Variants in CIAPIN1 observed in about 807,000 individuals in gnomAD.
CIAPIN1 encodes the protein cytokine induced apoptosis inhibitor 1, also known as anamorsin.
Under a neutral mutation model 34.3 loss-of-function variants are expected in CIAPIN1, and 18 were observed. The ratio of observed to expected loss-of-function variants is 0.52; its 90% CI spans 0.36 to 0.78. The LOEUF (loss-of-function observed/expected upper bound fraction) is 0.78, where lower values mean the gene tolerates loss of function less well. CIAPIN1 is among the 30% of genes least tolerant of loss of function. CIAPIN1 has a pLI of 0.00. For synonymous variants in CIAPIN1, 131 were observed against 140.4 expected, an observed-to-expected ratio of 0.93 and a Z score of 0.47; for missense variants, 310 against 372.5, an observed-to-expected ratio of 0.83 and a Z score of 1.38.
rs1355075357 is a variant in CIAPIN1, at chr16:57,434,154, T to C, written c.446A>G (p.His149Arg). 2 of 1,614,084 alleles carry C rather than the reference T, an allele frequency of 1.2e-6. No homozygotes were observed. Among genetic ancestry groups the C allele is most frequent in the East Asian group, 2.2e-5 (1 of 44,898 alleles). ...EVQSVREHLG[H>R]ESDNLLFVQI... ...AACAAACAGCAGGTTGTCACTTTCA[T>C]GACCAAGGTGTTCTCGAACAGACTG... The change falls in exon 5 of 9, where the codon CAT (histidine) becomes CGT (arginine). Residue 149 changes from histidine to arginine, a missense_variant. Physicochemically the swap from His to Arg is conservative, Grantham distance 29. Coordinates refer to ENST00000394391, the MANE Select transcript of CIAPIN1 (RefSeq NM_020313.4).
At chr16:57,438,011 A>G (rs80154168) in intron 3 of CIAPIN1, among the ~76,000 whole-genome samples, 1,667 of 152,330 alleles carry the variant, frequency 0.011, 100 homozygotes, top group Admixed American at 0.092. Flanking sequence ...GCACAGAAAC[A>G]CAAGTATTCC....
rs560640075 is a variant in CIAPIN1 at position 57,435,428 on chromosome 16, T to C, written c.388-1216A>G. Among the ~76,000 whole-genome samples, 13 of 152,348 alleles carry C rather than the reference T, an allele frequency of 8.5e-5. No individual in the cohort carries two copies. The South Asian group carries it at 1.9e-3, about 22-fold the overall frequency. On this transcript the variant is annotated intron_variant, in intron 4 of 8. Coordinates refer to ENST00000394391, the MANE Select transcript of CIAPIN1 (RefSeq NM_020313.4). ...AGAATGGCCTAATACACATTCCTTA[T>C]TTTAAAATCAAGCACAGAAAACCTT...
At chr16:57,436,450 G>A (rs371224036) in intron 4 of CIAPIN1, among the ~76,000 whole-genome samples, 462 of 152,106 alleles carry the variant, frequency 3.0e-3, no homozygotes, top group African/African-American at 0.011. Context: ...GGATGGTCTC[G>A]ATCTCCTGAG....
Position 57,439,215 on chromosome 16 carries a change from G to T in CIAPIN1, c.277C>A (p.Leu93Ile). 6.2e-7 allele frequency: 1 copy of T among 1,614,082 alleles called. No individual in the cohort carries two copies. The highest frequency in any genetic ancestry group is 8.5e-7 in the Non-Finnish European group (1 of 1,180,046). ...GTCTCTACTGGCTCCTTCAGAAAAA[G>T]ACATCCACCAGGCCGAAGGATCCGG... ...IARILRPGGC[L>I]FLKEPVETAV... Residue 93 changes from leucine (L) to isoleucine (I), a missense_variant, in exon 3 of 9, where the codon CTT becomes ATT. Coordinates refer to ENST00000394391, the MANE Select transcript of CIAPIN1 (RefSeq NM_020313.4).
chr16:57,430,397 C>T (rs977821626), intron 7 of CIAPIN1, 58 bp from the exon 8 acceptor site: 18 of 1,513,180 alleles, frequency 1.2e-5, no homozygotes, highest in Non-Finnish European at 1.6e-5. Context: ...AATCCCAAAT[C>T]CTAACAGTGC....
chr16:57,439,945 G>C (rs1214477389), intron 2 of CIAPIN1, among the ~76,000 whole-genome samples: 1 of 152,246 alleles, frequency 6.6e-6, no homozygotes, highest in Non-Finnish European at 1.5e-5. Flanking sequence ...GATGTTCAGG[G>C]AACAAGGGAG....
At chr16:57,438,695 C>G (rs1284241027) in intron 3 of CIAPIN1, among the ~76,000 whole-genome samples, 1 of 152,156 alleles carries the variant, frequency 6.6e-6, no homozygotes, top group Non-Finnish European at 1.5e-5. Flanking sequence ...TCATACTACC[C>G]CTTTATAGCT....
At chr16:57,431,123 G>T (rs761600303) in intron 7 of CIAPIN1, 28 bp downstream of exon 7, 3 of 1,383,058 alleles carry the variant, frequency 2.2e-6, no homozygotes, top group Non-Finnish European at 3.1e-6. Context: ...GAGGCAGCAT[G>T]GCAGGCTCCA....
At chr16:57,436,222 TTTTTG>T (rs549790939) in intron 4 of CIAPIN1, among the ~76,000 whole-genome samples, 3 of 152,154 alleles carry the variant, frequency 2.0e-5, no homozygotes, top group Admixed American at 6.5e-5. Context: ...CAAAAGTTTT[TTTTTG>T]TTTTGTTTTG....
chr16:57,430,424 C>A (rs1455538174), intron 7 of CIAPIN1, 85 bp from the exon 8 acceptor site: 4 of 1,290,114 alleles, frequency 3.1e-6, no homozygotes, highest in African/African-American at 2.9e-5. Flanking sequence ...GTGCTTTAAG[C>A]CTTTTCTCTT....
chr16:57,429,820 T>G (rs1457264584), intron 8 of CIAPIN1, among the ~76,000 whole-genome samples: 2 of 147,656 alleles, frequency 1.4e-5, no homozygotes, highest in African/African-American at 5.0e-5. Context: ...GGAGTCTCCC[T>G]CTGTCACCCA....
intron 6 of CIAPIN1, among the ~76,000 whole-genome samples, 187 bp downstream of exon 6, chr16:57,432,300 G>A (rs1031068283): frequency 3.3e-5 from 5 of 151,200 alleles, no homozygotes; most frequent in African/African-American, 1.2e-4. Context: ...GCAAGAGAGC[G>A]AGACTGTCTC....
chr16:57,444,663 T>G (rs535087461), intron 1 of CIAPIN1, among the ~76,000 whole-genome samples: 1 of 152,252 alleles, frequency 6.6e-6, no homozygotes, highest in African/African-American at 2.4e-5. Context: ...CTACATTCAT[T>G]AAACATCAAC....
chr16:57,431,061 G>A, intron 7 of CIAPIN1, 90 bp downstream of exon 7: 1 of 684,496 alleles, frequency 1.5e-6, no homozygotes, highest in South Asian at 2.1e-5. Flanking sequence ...CCTGGAAAAT[G>A]TATGTTCTAA....
chr16:57,432,604 G>T, intron 5 of CIAPIN1, 44 bp from the exon 6 acceptor site: 1 of 1,530,448 alleles, frequency 6.5e-7, no homozygotes, highest in South Asian at 1.1e-5. Flanking sequence ...AACACAGTCA[G>T]AAACTATTAA....
intron 5 of CIAPIN1, among the ~76,000 whole-genome samples, chr16:57,433,227 C>T (rs892655528): frequency 3.9e-5 from 6 of 152,174 alleles, no homozygotes; most frequent in Admixed American, 6.5e-5. Context: ...AGCTGAGGCT[C>T]GGATGCAGTG....
intron 3 of CIAPIN1, among the ~76,000 whole-genome samples, chr16:57,438,282 A>C (rs1903247709): frequency 6.6e-6 from 1 of 152,220 alleles, no homozygotes; most frequent in Non-Finnish European, 1.5e-5. Flanking sequence ...CAGCTATACC[A>C]CCGATCAAAA....
At chr16:57,437,085 C>T (rs375333071) in intron 3 of CIAPIN1, among the ~76,000 whole-genome samples, 48 of 152,252 alleles carry the variant, frequency 3.2e-4, no homozygotes, top group African/African-American at 1.1e-3. Context: ...CGAGATTGCA[C>T]CACTGCACTC....
intron 2 of CIAPIN1, among the ~76,000 whole-genome samples, chr16:57,440,251 AC>A (rs1360331578): frequency 6.6e-6 from 1 of 152,070 alleles, no homozygotes; most frequent in African/African-American, 2.4e-5. Flanking sequence ...CTGCTTTCAA[AC>A]CCTGTCTCCT....
Sources: allele counts gnomAD v4.1 joint callset (sites outside exome capture counted in the v4.1 genomes callset), GRCh38; gene constraint gnomAD v4.1.1; transcripts MANE v1.5; gene names NCBI Gene and HGNC (gene_info 2026-07-23, HGNC 2026-07-21).